The following NTRK3 variants were observed in gnomAD, a reference collection of about 807,000 sequenced individuals.
NTRK3 encodes the protein NT-3 growth factor receptor.
In NTRK3, 24 loss-of-function variants were observed where a neutral mutation model predicts 91.7. That is an observed-to-expected ratio of 0.26 (90% confidence interval 0.19 to 0.37). The LOEUF is 0.37. Among genes scored for constraint, NTRK3 ranks in the 10% least tolerant of loss-of-function variants. The pLI is 1.00. For synonymous variants in NTRK3, 483 were observed against 404.0 expected, an observed-to-expected ratio of 1.20 and a Z score of -2.34; for missense variants, 880 against 1,068.9, an observed-to-expected ratio of 0.82 and a Z score of 2.46.
intron 17 of NTRK3, among the ~76,000 whole-genome samples, chr15:87,906,404 G>C (rs990750591): frequency 6.6e-6 from 1 of 152,112 alleles, no homozygotes; most frequent in African/African-American, 2.4e-5. Context: ...GAGATTAAGG[G>C]ACTTTCTACA....
Position 88,137,575 on chromosome 15 carries a change from G to A in NTRK3, c.465-14C>T. ...TGCTCCAACTGCCTGTCGGCAAAGA[G>A]AGAGGGGAAGGGAACCTCTGAACCG... is the stretch of plus-strand genomic sequence containing the variant. On this transcript the variant is annotated splice_polypyrimidine_tract_variant and intron_variant, in intron 6 of 18. Transcript: ENST00000394480. 6.2e-7 allele frequency: 1 copy of A among 1,612,988 alleles called. No individual in the cohort carries two copies. The highest frequency in any genetic ancestry group is 8.5e-7 in the Non-Finnish European group (1 of 1,179,658).
intron 14 of NTRK3, among the ~76,000 whole-genome samples, chr15:87,967,786 C>G (rs1461214): frequency 0.18 from 27,387 of 152,190 alleles, 2,834 homozygotes; most frequent in South Asian, 0.35. Context: ...TTCCACATTC[C>G]TAGCAACTGA....
intron 5 of NTRK3, among the ~76,000 whole-genome samples, chr15:88,155,573 G>A (rs1400546748): frequency 1.3e-5 from 2 of 152,186 alleles, no homozygotes; most frequent in East Asian, 1.9e-4. Context: ...AAAAGCAGAG[G>A]TGAGCAATTG....
chr15:88,156,580 C>T (rs371207580), intron 5 of NTRK3, among the ~76,000 whole-genome samples: 66 of 152,226 alleles, frequency 4.3e-4, no homozygotes, highest in African/African-American at 1.4e-3. Context: ...TCCACACCAC[C>T]GCACCTTTCA....
intron 3 of NTRK3, among the ~76,000 whole-genome samples, chr15:88,212,368 T>C (rs1405659133): frequency 2.0e-5 from 3 of 152,062 alleles, no homozygotes; most frequent in African/African-American, 7.2e-5. Context: ...AGACTCCATC[T>C]CAAAAAATAA....
At chr15:87,902,786 A>G (rs1488198348) in intron 17 of NTRK3, among the ~76,000 whole-genome samples, 20 of 152,320 alleles carry the variant, frequency 1.3e-4, no homozygotes, top group Non-Finnish European at 2.9e-5. Flanking sequence ...CTAGAAATAC[A>G]ATGTCTATTT....
chr15:87,885,546 T>C (rs2065487588), intron 17 of NTRK3, 148 bp downstream of exon 18: 3 of 418,748 alleles, frequency 7.2e-6, no homozygotes, highest in Admixed American at 4.5e-5. Flanking sequence ...TGGCATAGGG[T>C]AGACAAATTT....
intron 13 of NTRK3, among the ~76,000 whole-genome samples, chr15:88,077,337 T>C (rs983692484): frequency 1.3e-5 from 2 of 152,104 alleles, no homozygotes; most frequent in Admixed American, 1.3e-4. Flanking sequence ...ACGAACTGCA[T>C]GGCTCAGAAA....
chr15:88,196,601 GGCTCCATTTAAGGA>G (rs1361267291), intron 3 of NTRK3, among the ~76,000 whole-genome samples: 6 of 152,288 alleles, frequency 3.9e-5, no homozygotes, highest in Admixed American at 1.3e-4. Context: ...GGTTCCAGAG[GGCTCCATTTAAGGA>G]GCTGGAGCAG....
At chr15:87,948,007 C>T (rs994174568) in intron 14 of NTRK3, among the ~76,000 whole-genome samples, 4 of 152,046 alleles carry the variant, frequency 2.6e-5, no homozygotes, top group African/African-American at 9.7e-5. Flanking sequence ...TCTGCCAGCC[C>T]TCAAAGAACT....
At chr15:87,989,916 G>T (rs991675890) in intron 14 of NTRK3, among the ~76,000 whole-genome samples, 1 of 152,094 alleles carries the variant, frequency 6.6e-6, no homozygotes, top group African/African-American at 2.4e-5. Flanking sequence ...CTTGTTTCAA[G>T]ATTTTTCACT....
At chr15:87,926,563 C>T (rs2068328092) in intron 17 of NTRK3, 1 of 152,208 alleles carries the variant, frequency 6.6e-6, no homozygotes, top group Non-Finnish European at 1.5e-5. Flanking sequence ...TCTACCCTGG[C>T]ACCTACAGAA....
intron 13 of NTRK3, among the ~76,000 whole-genome samples, chr15:88,108,524 C>T (rs2050963351): frequency 6.6e-6 from 1 of 152,212 alleles, no homozygotes; most frequent in Non-Finnish European, 1.5e-5. Flanking sequence ...CTACCCTCTC[C>T]AACTGACAGA....
At chr15:87,964,477 A>G (rs1173828418) in intron 14 of NTRK3, among the ~76,000 whole-genome samples, 1 of 151,916 alleles carries the variant, frequency 6.6e-6, no homozygotes, top group African/African-American at 2.4e-5. Flanking sequence ...TTTTGTATAT[A>G]TATACAAACT....
chr15:87,974,566 G>A (rs186465068), intron 14 of NTRK3, among the ~76,000 whole-genome samples: 21 of 151,916 alleles, frequency 1.4e-4, no homozygotes, highest in African/African-American at 4.8e-4. Context: ...CCAGACCTGG[G>A]CAGCCTAACT....
intron 6 of NTRK3, among the ~76,000 whole-genome samples, chr15:88,142,121 G>T (rs762023495): frequency 2.0e-5 from 3 of 152,234 alleles, no homozygotes; most frequent in Non-Finnish European, 2.9e-5. Flanking sequence ...GATTCAAATG[G>T]TGAGGTGGGC....
At chr15:88,137,442 G>A in exon 7 of NTRK3, 1 of 1,614,124 alleles carries the variant, frequency 6.2e-7, no homozygotes, top group Non-Finnish European at 8.5e-7. Context: ...AGGAAGCTGG[G>A]AGCCATCAGC....
intron 3 of NTRK3, among the ~76,000 whole-genome samples, chr15:88,212,316 G>C (rs1255507924): frequency 1.3e-5 from 2 of 152,186 alleles, no homozygotes; most frequent in South Asian, 4.1e-4. Flanking sequence ...CTTGCAGTGA[G>C]CCGAGATCGC....
At chr15:87,910,547 A>G (rs2067028408) in intron 17 of NTRK3, among the ~76,000 whole-genome samples, 1 of 152,222 alleles carries the variant, frequency 6.6e-6, no homozygotes, top group Non-Finnish European at 1.5e-5. Context: ...CTTACAGATT[A>G]AGCAATCAAA....
Sources: allele counts gnomAD v4.1 joint callset (sites outside exome capture counted in the v4.1 genomes callset), GRCh38; gene constraint gnomAD v4.1.1; transcripts MANE v1.5; gene names NCBI Gene and HGNC (gene_info 2026-07-23, HGNC 2026-07-21).